STRN3: variants seen among roughly 807,000 people sequenced by gnomAD.
STRN3 encodes the protein striatin-3.
A neutral mutation model predicts 95.6 loss-of-function variants in STRN3; 29 were observed. That is an observed-to-expected ratio of 0.30 (90% CI 0.23 to 0.41). The LOEUF (loss-of-function observed/expected upper bound fraction) is 0.41, where lower values mean the gene tolerates loss of function less well. STRN3 is among the 10% of genes least tolerant of loss of function. The pLI, the probability that STRN3 is intolerant of heterozygous loss-of-function variation, is 1.00. For synonymous variants in STRN3, 331 were observed against 357.6 expected (o/e 0.93, Z 0.84); for missense variants, 890 against 972.1 (o/e 0.92, Z 1.12).
At chr14:30,950,799 G>T in intron 4 of STRN3, 64 bp downstream of exon 4, 1 of 1,428,816 alleles carries the variant, frequency 7.0e-7, no homozygotes. Context: ...CTTGTAAAGT[G>T]ATTCAGTATA....
intron 14 of STRN3, 55 bp downstream of exon 14, chr14:30,906,822 A>T: frequency 6.6e-7 from 1 of 1,518,442 alleles, no homozygotes; most frequent in Non-Finnish European, 9.0e-7. Context: ...TGTCCTTTAT[A>T]TATTCCAATT....
intron 4 of STRN3, 52 bp downstream of exon 4, chr14:30,950,811 G>T: frequency 6.7e-7 from 1 of 1,493,554 alleles, no homozygotes. Flanking sequence ...TTCAGTATAA[G>T]CACTTTCATA....
chr14:30,973,141 G>A (rs910112497), intron 1 of STRN3, among the ~76,000 whole-genome samples: 3 of 151,658 alleles, frequency 2.0e-5, no homozygotes, highest in African/African-American at 7.3e-5. Context: ...CCCTGGAGGC[G>A]GAGGTTACAG....
rs745362218 is a variant in STRN3 at position 30,935,141 on chromosome 14, C to T, written c.988+22G>A. 24 of 1,610,216 alleles carry T rather than the reference C, an allele frequency of 1.5e-5. No homozygotes were observed. The East Asian group carries it at 2.5e-4, about 16-fold the overall frequency. On this transcript the variant is annotated intron_variant, in intron 7 of 17. Transcript: ENST00000357479. ...ATTAAGGGCTAGATTTCCTCCCACC[C>T]GGTATTTCTTTATCACCTTACCCCA... is the stretch of plus-strand genomic sequence containing the variant.
intron 1 of STRN3, among the ~76,000 whole-genome samples, chr14:30,969,391 C>T (rs1048345194): frequency 5.9e-5 from 9 of 151,696 alleles, no homozygotes; most frequent in African/African-American, 1.9e-4. Context: ...GAGCTGAGAT[C>T]GCGCCACTGC....
At chr14:31,013,942 G>A (rs1594584944) in intron 1 of STRN3, among the ~76,000 whole-genome samples, 1 of 126,536 alleles carries the variant, frequency 7.9e-6, no homozygotes, top group East Asian at 2.0e-4. Context: ...TCAGTCTATT[G>A]ACCAGACTAG....
chr14:30,900,429 C>CG (rs1417600066), intron 16 of STRN3, among the ~76,000 whole-genome samples: 1 of 19,202 alleles, frequency 5.2e-5, no homozygotes, highest in African/African-American at 1.9e-4. Flanking sequence ...TGTAACTCAA[C>CG]GGGGGGTGTG....
rs887914311 is a variant in STRN3, at chr14:30,937,359, A to AT, written c.717-736dup. On this transcript the variant is annotated intron_variant, in intron 5 of 17. Transcript: ENST00000357479. ...AAAAATAATTTATCAAGCAGCCCAG[A>AT]TTTATAGTAAATCAGATATAAAACA... is the stretch of plus-strand genomic sequence containing the variant. 4.3e-4 allele frequency among the ~76,000 whole-genome samples: 65 copies of AT among 152,272 alleles called. 1 individual carries two copies. The highest frequency in any genetic ancestry group is 3.2e-4 in the Non-Finnish European group (22 of 68,010).
chr14:30,921,124 A>G (rs1366672693), intron 8 of STRN3, among the ~76,000 whole-genome samples: 1 of 150,024 alleles, frequency 6.7e-6, no homozygotes, highest in East Asian at 2.0e-4. Context: ...ATCTTCTAAC[A>G]TGCACCTCAG....
intron 5 of STRN3, 61 bp from the exon 6 acceptor site, chr14:30,936,685 C>T: frequency 6.5e-7 from 1 of 1,542,200 alleles, no homozygotes; most frequent in Non-Finnish European, 8.7e-7. Context: ...ATATTTCTTT[C>T]TGGTTCCCAT....
chr14:30,971,850 T>G (rs1371225107), intron 1 of STRN3, among the ~76,000 whole-genome samples: 1 of 152,166 alleles, frequency 6.6e-6, no homozygotes, highest in Non-Finnish European at 1.5e-5. Context: ...CTTATTCTTG[T>G]CGGGTGCTGT....
rs1196330707 is a variant in STRN3, at chr14:30,900,261, A to C, written c.2137+2275T>G. Among the ~76,000 whole-genome samples, 5 of 150,804 alleles carry C rather than the reference A, an allele frequency of 3.3e-5. No individual in the cohort carries two copies. The East Asian group carries it at 1.0e-3, about 30-fold the overall frequency. On this transcript the variant is annotated intron_variant, in intron 16 of 17. Coordinates refer to ENST00000357479, the MANE Select transcript of STRN3 (RefSeq NM_001083893.2). ...ATAATCCCAGCTACTCAGGAGGGTG[A>C]GCCGGGAGAATCACTTGAACCCAGG...
chr14:30,950,971 A>G, intron 3 of STRN3, 27 bp from the exon 4 acceptor site: 2 of 1,591,286 alleles, frequency 1.3e-6, no homozygotes, highest in Non-Finnish European at 1.7e-6. Flanking sequence ...AAAAAGTTTT[A>G]CATACTTTAT....
rs562086178 is a variant in STRN3 at position 30,926,057 on chromosome 14, A to T, written c.1099+3144T>A. On this transcript the variant is annotated intron_variant, in intron 8 of 17. Coordinates refer to ENST00000357479, the MANE Select transcript of STRN3 (RefSeq NM_001083893.2). ...AAAAAGAAAGTTTTTATTTTCTTAA[A>T]CTCTAATTTCACGGCAAGGATTCAG... Among the ~76,000 whole-genome samples the T allele has an allele frequency of 2.0e-5, 3 of 152,148 alleles. No homozygotes were observed. The South Asian group carries it at 6.2e-4, about 32-fold the overall frequency.
chr14:30,927,183 C>T (rs1040901183), intron 8 of STRN3, among the ~76,000 whole-genome samples: 4 of 151,994 alleles, frequency 2.6e-5, no homozygotes, highest in African/African-American at 4.8e-5. Flanking sequence ...TGTGGTGGCA[C>T]GTGCCTATAG....
At chr14:30,963,045 A>G (rs1221891437) in intron 1 of STRN3, among the ~76,000 whole-genome samples, 1 of 152,128 alleles carries the variant, frequency 6.6e-6, no homozygotes, top group Non-Finnish European at 1.5e-5. Flanking sequence ...CTAACGATAC[A>G]TTTCTCAAAA....
rs552147823 is a variant in STRN3 at position 30,894,773 on chromosome 14, A to G, written c.*638T>C. On this transcript the variant is annotated 3_prime_UTR_variant, in exon 18 of 18. Coordinates refer to ENST00000357479, the MANE Select transcript of STRN3 (RefSeq NM_001083893.2). ...GGTTGTATAATGCAGAAAAACTTCA[A>G]TACAATCTTGAGCACTGTTGTGACA... The G allele has an allele frequency of 8.9e-6, 2 of 225,524 alleles. No individual in the cohort carries two copies. Among genetic ancestry groups the G allele is most frequent in the South Asian group, 1.2e-4 (2 of 16,278 alleles). The allele number at this position is 225,524 out of a possible 1,614,324, so 14.0% of individuals were successfully genotyped here.
chr14:30,942,904 A>G (rs80082494), intron 5 of STRN3, among the ~76,000 whole-genome samples: 14,627 of 152,150 alleles, frequency 0.096, 767 homozygotes, highest in South Asian at 0.16. Context: ...CCTCACATCA[A>G]TCCTATGATC....
chr14:30,962,149 G>A (rs1488665591), intron 1 of STRN3, among the ~76,000 whole-genome samples: 1 of 152,020 alleles, frequency 6.6e-6, no homozygotes, highest in Admixed American at 6.5e-5. Flanking sequence ...GTGTGTTTGT[G>A]TCTTCATTTC....
Sources: allele counts gnomAD v4.1 joint callset (sites outside exome capture counted in the v4.1 genomes callset), GRCh38; gene constraint gnomAD v4.1.1; transcripts MANE v1.5; gene names NCBI Gene and HGNC (gene_info 2026-07-23, HGNC 2026-07-21).